NKAIN2: variants seen among roughly 807,000 people sequenced by gnomAD.
The protein encoded by NKAIN2 is sodium/potassium-transporting ATPase subunit beta-1-interacting protein 2.
In NKAIN2, 14 loss-of-function variants were observed where a neutral mutation model predicts 32.6. That is an observed-to-expected ratio of 0.43 (90% CI 0.28 to 0.67). The LOEUF is 0.67. Among genes scored for constraint, NKAIN2 ranks in the 30% least tolerant of loss-of-function variants. The probability of loss-of-function intolerance (pLI) is 0.17; values close to 1 mark genes in which losing one functional copy is unlikely to be tolerated. For synonymous variants in NKAIN2, 80 were observed against 87.2 expected (o/e 0.92, Z 0.46); for missense variants, 198 against 258.3 (o/e 0.77, Z 1.60).
At chr6:124,227,046 C>A (rs1340661442) in intron 1 of NKAIN2, among the ~76,000 whole-genome samples, 1 of 144,804 alleles carries the variant, frequency 6.9e-6, no homozygotes, top group Non-Finnish European at 1.5e-5. Flanking sequence ...AAAGAAATTT[C>A]TTCAAGTTTG....
chr6:124,034,474 T>A (rs1441108490), intron 1 of NKAIN2, among the ~76,000 whole-genome samples: 1 of 152,140 alleles, frequency 6.6e-6, no homozygotes, highest in Non-Finnish European at 1.5e-5. Context: ...GGCTTTGTAA[T>A]ATTCTATGGT....
intron 3 of NKAIN2, among the ~76,000 whole-genome samples, chr6:124,358,769 T>C (rs1393344208): frequency 1.3e-5 from 2 of 151,522 alleles, no homozygotes; most frequent in Non-Finnish European, 3.0e-5. Context: ...AGAAGCTCTT[T>C]AGTTTAATTA....
chr6:124,710,400 TC>T (rs1179494553), intron 4 of NKAIN2, among the ~76,000 whole-genome samples: 4 of 151,174 alleles, frequency 2.6e-5, no homozygotes, highest in Non-Finnish European at 4.5e-5. Context: ...ACTTTCTGTC[TC>T]GTTGATCTGT....
At chr6:124,153,996 A>G (rs1787860999) in intron 1 of NKAIN2, among the ~76,000 whole-genome samples, 1 of 150,664 alleles carries the variant, frequency 6.6e-6, no homozygotes, top group Non-Finnish European at 1.5e-5. Context: ...CTGATATTCT[A>G]AGAGTCTTTA....
intron 2 of NKAIN2, among the ~76,000 whole-genome samples, chr6:124,314,924 GGTGCCTA>G (rs1796879809): frequency 6.6e-6 from 1 of 152,038 alleles, no homozygotes; most frequent in Non-Finnish European, 1.5e-5. Context: ...ATAAGTGCCT[GGTGCCTA>G]GTATCAATAT....
At chr6:124,547,978 T>C (rs189196063) in intron 3 of NKAIN2, among the ~76,000 whole-genome samples, 244 of 152,306 alleles carry the variant, frequency 1.6e-3, no homozygotes, top group African/African-American at 5.7e-3. Context: ...CTGTCATACA[T>C]CTGTTTCTAA....
chr6:124,734,752 A>G lies in NKAIN2; in HGVS notation c.475-56587A>G, dbSNP rs76188149. 7.8e-3 allele frequency among the ~76,000 whole-genome samples: 1,191 copies of G among 152,006 alleles called. 9 individuals carry two copies. The highest frequency in any genetic ancestry group is 0.026 in the African/African-American group (1,081 of 41,538). ...AGAGTAAATGGGTAACATTCCATAA[A>G]TGTTTATTGAACAGAACTGAAGTGG... On this transcript the variant is annotated intron_variant, in intron 4 of 6. Transcript: ENST00000368417.
intron 5 of NKAIN2, among the ~76,000 whole-genome samples, chr6:124,810,845 A>T (rs1220219688): frequency 6.6e-6 from 1 of 151,482 alleles, no homozygotes; most frequent in Admixed American, 6.6e-5. Flanking sequence ...GTTGTATAAC[A>T]CTTTAGTGAC....
intron 3 of NKAIN2, among the ~76,000 whole-genome samples, chr6:124,409,698 G>C (rs1454601773): frequency 1.3e-5 from 2 of 152,182 alleles, no homozygotes; most frequent in Non-Finnish European, 2.9e-5. Flanking sequence ...TCAGGATGAT[G>C]CTGCCTCATA....
chr6:124,642,906 G>C (rs971393520), intron 3 of NKAIN2, among the ~76,000 whole-genome samples: 1 of 152,070 alleles, frequency 6.6e-6, no homozygotes, highest in Non-Finnish European at 1.5e-5. Flanking sequence ...AATATTAAAA[G>C]CACTGCTCCT....
chr6:124,625,965 TAA>T (rs1783315932), intron 3 of NKAIN2, among the ~76,000 whole-genome samples: 1 of 147,080 alleles, frequency 6.8e-6, no homozygotes, highest in South Asian at 2.1e-4. Context: ...TATTATACTT[TAA>T]GTTTTAGGGT....
chr6:124,097,354 C>T (rs1784686660), intron 1 of NKAIN2, among the ~76,000 whole-genome samples: 1 of 146,728 alleles, frequency 6.8e-6, no homozygotes, highest in Non-Finnish European at 1.5e-5. Context: ...ATTGAGCCGA[C>T]ATCGCGCCAC....
intron 2 of NKAIN2, among the ~76,000 whole-genome samples, chr6:124,324,754 T>G (rs140580913): frequency 9.2e-5 from 14 of 152,190 alleles, no homozygotes; most frequent in African/African-American, 3.1e-4. Flanking sequence ...TATATTTGTA[T>G]TTTTCTGAGA....
chr6:124,132,862 C>G (rs1210417766), intron 1 of NKAIN2, among the ~76,000 whole-genome samples: 1 of 152,204 alleles, frequency 6.6e-6, no homozygotes, highest in African/African-American at 2.4e-5. Context: ...CAATAATAAT[C>G]ACTACAGTCT....
intron 1 of NKAIN2, among the ~76,000 whole-genome samples, chr6:124,085,114 A>C (rs535117909): frequency 6.6e-6 from 1 of 152,058 alleles, no homozygotes; most frequent in Non-Finnish European, 1.5e-5. Context: ...ATGTGAAAGC[A>C]AACTCAGGAA....
chr6:124,510,371 A>G (rs916050802), intron 3 of NKAIN2, among the ~76,000 whole-genome samples: 9 of 152,136 alleles, frequency 5.9e-5, no homozygotes, highest in African/African-American at 2.2e-4. Context: ...TTTTCTTTAA[A>G]CAAAACCTTT....
intron 1 of NKAIN2, among the ~76,000 whole-genome samples, chr6:124,161,881 C>T (rs1221403050): frequency 6.6e-6 from 1 of 151,974 alleles, no homozygotes; most frequent in Non-Finnish European, 1.5e-5. Flanking sequence ...ATACCCCAAA[C>T]CTCAGCATCA....
At chr6:123,967,613 G>C (rs1017282233) in intron 1 of NKAIN2, among the ~76,000 whole-genome samples, 1 of 152,084 alleles carries the variant, frequency 6.6e-6, no homozygotes, top group African/African-American at 2.4e-5. Context: ...CTGAAGGTTG[G>C]TGTAGAGCAC....
chr6:124,502,355 G>A (rs1332697940), intron 3 of NKAIN2, among the ~76,000 whole-genome samples: 2 of 152,126 alleles, frequency 1.3e-5, no homozygotes, highest in African/African-American at 2.4e-5. Context: ...AATAAGTAAT[G>A]TATTCAAAGA....
Sources: allele counts gnomAD v4.1 joint callset (sites outside exome capture counted in the v4.1 genomes callset), GRCh38; gene constraint gnomAD v4.1.1; transcripts MANE v1.5; gene names NCBI Gene and HGNC (gene_info 2026-07-23, HGNC 2026-07-21).